TBC1D22A: variants seen among roughly 807,000 people sequenced by gnomAD.
The protein encoded by TBC1D22A is putative GTPase activator.
In TBC1D22A, 38 loss-of-function variants were observed where a neutral mutation model predicts 60.2. That is an observed-to-expected ratio of 0.63 (90% CI 0.49 to 0.83). The LOEUF is 0.83. TBC1D22A is among the 40% of genes least tolerant of loss of function. The pLI, the probability that TBC1D22A is intolerant of heterozygous loss-of-function variation, is 0.00. For synonymous variants in TBC1D22A, 302 were observed against 281.7 expected (o/e 1.07, Z -0.72); for missense variants, 628 against 701.0 (o/e 0.90, Z 1.18).
At chr22:46,779,897 A>G (rs1379758189) in intron 1 of TBC1D22A, among the ~76,000 whole-genome samples, 8 of 151,992 alleles carry the variant, frequency 5.3e-5, no homozygotes, top group African/African-American at 1.9e-4. Flanking sequence ...GCCCTCGGAG[A>G]CCCTCTGGTT....
chr22:47,056,665 C>T (rs1231573922), intron 11 of TBC1D22A, among the ~76,000 whole-genome samples: 5 of 152,172 alleles, frequency 3.3e-5, no homozygotes, highest in African/African-American at 1.2e-4. Context: ...ACAGATGTGG[C>T]CACACTCATG....
intron 11 of TBC1D22A, among the ~76,000 whole-genome samples, chr22:47,092,911 A>G (rs1401436338): frequency 1.3e-5 from 2 of 152,190 alleles, no homozygotes; most frequent in Non-Finnish European, 2.9e-5. Flanking sequence ...TAGCAAAAGT[A>G]CCTTTAGAGT....
rs1332779596 is a variant in TBC1D22A at position 47,111,617 on chromosome 22, T to C, written c.1425+14T>C. The C allele has an allele frequency of 6.2e-7, 1 of 1,605,566 alleles. No homozygotes were observed. Reference sequence around the variant, plus strand: ...AAAGATTTTCAAGTAAGTAAATGTCTTTTCAAAAGAACCCAAGTTTGATTT... The same window carrying C: ...AAAGATTTTCAAGTAAGTAAATGTCCTTTCAAAAGAACCCAAGTTTGATTT... On this transcript the variant is annotated intron_variant, in intron 12 of 12. Transcript: ENST00000337137.
intron 11 of TBC1D22A, among the ~76,000 whole-genome samples, chr22:47,083,169 G>A (rs764174665): frequency 6.6e-5 from 10 of 152,174 alleles, no homozygotes; most frequent in Non-Finnish European, 1.3e-4. Flanking sequence ...TTAGCCCTGG[G>A]TAGTGCGGGA....
chr22:47,113,401 T>A (rs2065918833), intron 12 of TBC1D22A, among the ~76,000 whole-genome samples: 1 of 152,018 alleles, frequency 6.6e-6, no homozygotes, highest in Admixed American at 6.6e-5. Flanking sequence ...CCCTCCTGGG[T>A]CAGCCATGCC....
chr22:47,127,289 G>A (rs142691633), intron 12 of TBC1D22A, among the ~76,000 whole-genome samples: 2,868 of 145,430 alleles, frequency 0.02, 104 homozygotes, highest in African/African-American at 0.069. Flanking sequence ...GTGCAGTGAC[G>A]CGATCTTGGC....
chr22:47,036,993 G>A (rs1603106042), intron 10 of TBC1D22A, 78 bp from the exon 11 acceptor site: 1 of 1,588,576 alleles, frequency 6.3e-7, no homozygotes, highest in African/African-American at 1.3e-5. Context: ...GCAGGCCCTT[G>A]GGGGACAAGT....
chr22:47,011,786 A>G (rs1034441254), intron 10 of TBC1D22A, among the ~76,000 whole-genome samples: 8 of 152,156 alleles, frequency 5.3e-5, no homozygotes, highest in Admixed American at 1.3e-4. Context: ...TCCTCATCCT[A>G]CTGCCCTTTA....
chr22:46,893,952 CA>C (rs1229829596), intron 6 of TBC1D22A, among the ~76,000 whole-genome samples: 1 of 152,216 alleles, frequency 6.6e-6, no homozygotes, highest in Non-Finnish European at 1.5e-5. Flanking sequence ...GGCCTGGCCA[CA>C]GTGTGATAAG....
intron 10 of TBC1D22A, among the ~76,000 whole-genome samples, chr22:47,014,705 G>A (rs1204527239): frequency 6.6e-6 from 1 of 151,804 alleles, no homozygotes; most frequent in African/African-American, 2.4e-5. Flanking sequence ...GAAACTTGGA[G>A]TCAGGATTGG....
intron 4 of TBC1D22A, among the ~76,000 whole-genome samples, chr22:46,869,882 C>T (rs915047600): frequency 6.6e-6 from 1 of 152,182 alleles, no homozygotes; most frequent in African/African-American, 2.4e-5. Flanking sequence ...AAAAAAGGTT[C>T]TTATAATTAG....
At chr22:46,816,391 T>C (rs753545129) in intron 4 of TBC1D22A, among the ~76,000 whole-genome samples, 3 of 152,226 alleles carry the variant, frequency 2.0e-5, no homozygotes, top group Non-Finnish European at 2.9e-5. Flanking sequence ...CTTTCCCTTA[T>C]CTCAGCCAAA....
At chr22:46,858,513 T>C (rs2087689722) in intron 4 of TBC1D22A, among the ~76,000 whole-genome samples, 2 of 152,216 alleles carry the variant, frequency 1.3e-5, no homozygotes, top group South Asian at 2.1e-4. Context: ...AGCTGGGCCT[T>C]AGAGCTACGT....
At chr22:47,053,377 C>G (rs1408905050) in intron 11 of TBC1D22A, among the ~76,000 whole-genome samples, 1 of 152,210 alleles carries the variant, frequency 6.6e-6, no homozygotes, top group South Asian at 2.1e-4. Context: ...TCCCAGTCCC[C>G]CTTGGTAGGG....
intron 11 of TBC1D22A, among the ~76,000 whole-genome samples, chr22:47,095,828 G>A (rs149884705): frequency 7.3e-4 from 111 of 152,352 alleles, no homozygotes; most frequent in Non-Finnish European, 1.4e-3. Flanking sequence ...TTCCCAGTGA[G>A]GGGATGCTGA....
At position 46,796,688 on chromosome 22, in the gene TBC1D22A, G is replaced by A. The variant is rs561605806; in HGVS notation, c.461-756G>A. 1.3e-3 allele frequency among the ~76,000 whole-genome samples: 201 copies of A among 150,840 alleles called. 1 individual carries two copies. Among genetic ancestry groups the A allele is most frequent in the African/African-American group, 4.7e-3 (194 of 40,922 alleles). ...TCTCACCACCTGCTTGGATCCCCCT[G>A]GGCCTGTCCGTCTTGGGGGTCAGTG... On this transcript the variant is annotated intron_variant, in intron 3 of 12. Transcript: ENST00000337137.
intron 10 of TBC1D22A, among the ~76,000 whole-genome samples, chr22:47,011,989 C>T (rs1267895218): frequency 1.3e-5 from 2 of 151,992 alleles, no homozygotes; most frequent in Non-Finnish European, 2.9e-5. Flanking sequence ...CCTTTCCCAC[C>T]CCGCTCTGCC....
At chr22:46,982,498 A>C (rs2074553945) in intron 9 of TBC1D22A, among the ~76,000 whole-genome samples, 1 of 152,130 alleles carries the variant, frequency 6.6e-6, no homozygotes, top group Non-Finnish European at 1.5e-5. Flanking sequence ...CTGGGATTAC[A>C]GGCGTGAGCC....
At chr22:46,941,515 TATATATACACGGA>T (rs1237169413) in intron 8 of TBC1D22A, among the ~76,000 whole-genome samples, 2 of 145,038 alleles carry the variant, frequency 1.4e-5, no homozygotes, top group Non-Finnish European at 3.0e-5. Context: ...ATATACGGAA[TATATATACACGGA>T]ATATATATAC....
Sources: gnomAD v4.1 joint callset for allele counts (sites outside exome capture counted in the v4.1 genomes callset) on GRCh38, gnomAD v4.1.1 for gene constraint, MANE v1.5 for transcripts, NCBI Gene and HGNC (gene_info 2026-07-23, HGNC 2026-07-21) for gene names.